PIK3CA: variants seen among roughly 807,000 people sequenced by gnomAD.
The protein encoded by PIK3CA is phosphatidylinositol-4,5-bisphosphate 3-kinase catalytic subunit alpha, also known as phosphatidylinositol 4,5-bisphosphate 3-kinase catalytic subunit alpha isoform.
PIK3CA carries 27 observed loss-of-function variants against 138.2 expected under a neutral mutation model. That is an observed-to-expected ratio of 0.20 (90% CI 0.14 to 0.27). The LOEUF (loss-of-function observed/expected upper bound fraction) is 0.27. PIK3CA is among the 10% of genes least tolerant of loss of function. The probability of loss-of-function intolerance (pLI) is 1.00; values close to 1 mark genes in which losing one functional copy is unlikely to be tolerated. For missense variants in PIK3CA, 544 were observed against 1,277.4 expected (o/e 0.43, Z 8.75); for synonymous variants, 358 against 413.2 (o/e 0.87, Z 1.62).
In PIK3CA at chr3:179,225,894, T is replaced by A. The variant is rs1428838938; in HGVS notation, c.2417-68T>A. 3.9e-6 allele frequency: 3 copies of A among 763,058 alleles called. No homozygotes were observed. In the African/African-American group the frequency reaches 5.1e-5, roughly 13 times the overall value. 47.3% of individuals were successfully genotyped at this position (763,058 alleles called of 1,614,324 possible). On this transcript the variant is annotated intron_variant, in intron 16 of 20. Coordinates refer to ENST00000263967, the MANE Select transcript of PIK3CA (RefSeq NM_006218.4). ...GTATTTGTTTTTCATTTGAAAACCA[T>A]GTGATGGCGTGATCCCCAAATTTGC...
chr3:179,186,861 GAT>G (rs1263905360), intron 1 of PIK3CA, among the ~76,000 whole-genome samples: 1 of 152,090 alleles, frequency 6.6e-6, no homozygotes, highest in Non-Finnish European at 1.5e-5. Flanking sequence ...TCTCTTCATT[GAT>G]CTCATTGGTT....
chr3:179,168,141 C>T (rs1723464614), intron 1 of PIK3CA, among the ~76,000 whole-genome samples: 1 of 152,156 alleles, frequency 6.6e-6, no homozygotes, highest in Non-Finnish European at 1.5e-5. Context: ...CATGTGGTCT[C>T]TTCCTCTTTC....
At position 179,153,234 on chromosome 3, in the gene PIK3CA, T is replaced by C. The variant is rs202100938; in HGVS notation, c.-77+4631T>C. ...TACAGATATCAGCAGACTGAAGTTATTGATACCTTTCTCTACTTGGGAACT... is the reference window on the plus strand; with the variant it reads ...TACAGATATCAGCAGACTGAAGTTACTGATACCTTTCTCTACTTGGGAACT... On this transcript the variant is annotated intron_variant, in intron 1 of 20. Transcript: ENST00000263967. Among the ~76,000 whole-genome samples the C allele has an allele frequency of 2.0e-5, 3 of 152,340 alleles. No homozygotes were observed. The East Asian group carries it at 5.8e-4, about 29-fold the overall frequency.
At chr3:179,189,190 C>T (rs1341206565) in intron 1 of PIK3CA, among the ~76,000 whole-genome samples, 2 of 151,430 alleles carry the variant, frequency 1.3e-5, no homozygotes, top group South Asian at 2.1e-4. Context: ...CTCCAGCCTG[C>T]GTGACACAGC....
In PIK3CA at chr3:179,229,987, G is replaced by T. The variant is rs1401613730; in HGVS notation, c.2667-17G>T. On this transcript the variant is annotated splice_polypyrimidine_tract_variant and intron_variant, in intron 18 of 20. Coordinates refer to ENST00000263967, the MANE Select transcript of PIK3CA (RefSeq NM_006218.4). The stretch of plus-strand genomic sequence containing the variant: ...ACTATATTTCCATACTACTCATGAG[G>T]TGTTTATTCTTTGTAGATATGATGC... 3.3e-6 allele frequency: 5 copies of T among 1,523,948 alleles called. No individual in the cohort carries two copies. The highest frequency in any genetic ancestry group is 4.5e-6 in the Non-Finnish European group (5 of 1,099,562). The allele number at this position is 1,523,948 out of a possible 1,614,324, so 94.4% of individuals were successfully genotyped here. A position where few individuals can be genotyped will look rare whatever the true frequency, so the allele number is the denominator to read the frequency against.
Position 179,201,358 on chromosome 3 carries a change from A to G in PIK3CA, c.631A>G (p.Ile211Val). ...NNDKQKYTLK[I>V]NHDCVPEQVI... The stretch of plus-strand genomic sequence containing the variant: ...TGACAAGCAGAAGTATACTCTGAAA[A>G]TCAACCATGACTGTGTACCAGAACA... The change falls in exon 4 of 21, where the codon ATC becomes GTC. Residue 211 changes from isoleucine to valine, a missense_variant. Coordinates refer to ENST00000263967, the MANE Select transcript of PIK3CA (RefSeq NM_006218.4). 1.9e-6 allele frequency: 3 copies of G among 1,613,638 alleles called. No homozygotes were observed. The highest frequency in any genetic ancestry group is 1.7e-6 in the Non-Finnish European group (2 of 1,179,682).
intron 17 of PIK3CA, 96 bp from the exon 18 acceptor site, chr3:179,229,175 CA>C (rs1725154368): frequency 2.1e-6 from 2 of 947,842 alleles, no homozygotes; most frequent in Non-Finnish European, 3.2e-6. Context: ...TCATGCATGA[CA>C]AATTTACTAA....
intron 1 of PIK3CA, among the ~76,000 whole-genome samples, chr3:179,188,271 C>T (rs1228833971): frequency 6.6e-6 from 1 of 152,204 alleles, no homozygotes; most frequent in Non-Finnish European, 1.5e-5. Context: ...GCTCAAGTCA[C>T]TAGTTAGGCT....
chr3:179,178,389 A>T (rs1373340580), intron 1 of PIK3CA, among the ~76,000 whole-genome samples: 1 of 152,154 alleles, frequency 6.6e-6, no homozygotes, highest in Non-Finnish European at 1.5e-5. Flanking sequence ...AGCACATGAA[A>T]AGATTTCCAC....
rs2108424493 is a variant in PIK3CA at position 179,230,127 on chromosome 3, G to A, written c.2784+6G>A. The stretch of plus-strand genomic sequence containing the variant: ...TGGTGAAAGACGATGGACAAGTAAT[G>A]GTTTTCTCTGTTTAAAATGTTTTGG... On this transcript the variant is annotated splice_donor_region_variant and intron_variant, in intron 19 of 20. Transcript: ENST00000263967. This position sits in a 1 kb window ranked among gnomAD's most constrained non-coding sequence, Gnocchi z 5.4. 1.9e-6 allele frequency: 3 copies of A among 1,596,672 alleles called. No individual in the cohort carries two copies. The South Asian group carries it at 3.3e-5, about 18-fold the overall frequency.
Position 179,235,411 on chromosome 3 carries a change from C to T in PIK3CA, c.*1047C>T, listed in dbSNP as rs541299980. ...ACCCCAAATTTTTTATTGTTCATAG[C>T]AGCATGGTCAGCTTTCTTCTTGATC... On this transcript the variant is annotated 3_prime_UTR_variant, in exon 21 of 21. Transcript: ENST00000263967. The T allele has an allele frequency of 1.1e-4, 21 of 186,278 alleles. No individual in the cohort carries two copies. The highest frequency in any genetic ancestry group is 2.2e-4 in the Non-Finnish European group (19 of 88,146). 11.5% of individuals were successfully genotyped at this position (186,278 alleles called of 1,614,324 possible). A position where few individuals can be genotyped will look rare whatever the true frequency, so the allele number is the denominator to read the frequency against.
rs1375307009 is a variant in PIK3CA at position 179,234,391 on chromosome 3, A to G, written c.*27A>G. On this transcript the variant is annotated 3_prime_UTR_variant, in exon 21 of 21. Coordinates refer to ENST00000263967, the MANE Select transcript of PIK3CA (RefSeq NM_006218.4). This position sits in a 1 kb window ranked among gnomAD's most constrained non-coding sequence, Gnocchi z 5.1. ...AAGATAACTGAGAAAATGAAAGCTC[A>G]CTCTGGATTCCACACTGCACTGTTA... The G allele has an allele frequency of 6.3e-7, 1 of 1,575,710 alleles. No individual in the cohort carries two copies. Among genetic ancestry groups the G allele is most frequent in the Admixed American group, 1.7e-5 (1 of 57,918 alleles).
Position 179,158,104 on chromosome 3 carries a change from A to G in PIK3CA, c.-77+9501A>G, listed in dbSNP as rs534698205. Reference sequence around the variant, plus strand: ...GAATTGAATTCTGTCCCTTCCAAGAATTTACCAGTGGATCCGATTTCTGGA... The same window carrying G: ...GAATTGAATTCTGTCCCTTCCAAGAGTTTACCAGTGGATCCGATTTCTGGA... On this transcript the variant is annotated intron_variant, in intron 1 of 20. Coordinates refer to ENST00000263967, the MANE Select transcript of PIK3CA (RefSeq NM_006218.4). Among the ~76,000 whole-genome samples the G allele has an allele frequency of 5.9e-5, 9 of 152,252 alleles. No homozygotes were observed. The South Asian group carries it at 1.9e-3, about 32-fold the overall frequency.
At chr3:179,189,719 T>C (rs1467081501) in intron 1 of PIK3CA, among the ~76,000 whole-genome samples, 1 of 152,214 alleles carries the variant, frequency 6.6e-6, no homozygotes, top group African/African-American at 2.4e-5. Context: ...GCACTGTAAA[T>C]ATGAATTTGA....
chr3:179,150,015 GTT>G (rs113847531), intron 1 of PIK3CA, among the ~76,000 whole-genome samples: 1 of 145,798 alleles, frequency 6.9e-6, no homozygotes, highest in Non-Finnish European at 1.5e-5. Context: ...AGTTTTTGGT[GTT>G]TTTTTTTTTT....
At chr3:179,181,780 AGG>A (rs1723852496) in intron 1 of PIK3CA, among the ~76,000 whole-genome samples, 1 of 152,218 alleles carries the variant, frequency 6.6e-6, no homozygotes, top group Non-Finnish European at 1.5e-5. Flanking sequence ...AGTATCAGCT[AGG>A]TGAAGTTCAA....
rs984242030 is a variant in PIK3CA at position 179,230,570 on chromosome 3, A to G, written c.2936+194A>G. ...AGGAATTGAAACCAGCCTGGGTAAC[A>G]TAGAGAGAATTCATGTCTACAAAAA... On this transcript the variant is annotated intron_variant, in intron 20 of 20. Coordinates refer to ENST00000263967, the MANE Select transcript of PIK3CA (RefSeq NM_006218.4). The surrounding 1 kb of genome is among the most constrained non-coding windows in gnomAD (Gnocchi z 5.4). Among the ~76,000 whole-genome samples the G allele has an allele frequency of 2.0e-5, 3 of 152,142 alleles. No individual in the cohort carries two copies. The highest frequency in any genetic ancestry group is 2.0e-4 in the Admixed American group (3 of 15,270).
At position 179,238,463 on chromosome 3, in the gene PIK3CA, T is replaced by A. The variant is rs1725373764; in HGVS notation, c.*4099T>A. 1 of 221,768 alleles carries A rather than the reference T, an allele frequency of 4.5e-6. No homozygotes were observed. Among genetic ancestry groups the A allele is most frequent in the African/African-American group, 2.2e-5 (1 of 44,636 alleles). 13.7% of individuals were successfully genotyped at this position (221,768 alleles called of 1,614,324 possible). On this transcript the variant is annotated 3_prime_UTR_variant, in exon 21 of 21. Transcript: ENST00000263967. ...AAAATATCTGTGGTCCTGATAAAAT[T>A]GGATTGGTAACTCTACCTCAGAAGG... is the stretch of plus-strand genomic sequence containing the variant.
intron 1 of PIK3CA, among the ~76,000 whole-genome samples, chr3:179,159,035 A>G (rs1470262618): frequency 6.6e-6 from 1 of 152,098 alleles, no homozygotes; most frequent in African/African-American, 2.4e-5. Flanking sequence ...ATATACCAGG[A>G]TAATAGTAAA....
Sources: allele counts gnomAD v4.1 joint callset (sites outside exome capture counted in the v4.1 genomes callset), GRCh38; gene constraint gnomAD v4.1.1; non-coding constraint Gnocchi (gnomAD v3.1); transcripts MANE v1.5; gene names NCBI Gene and HGNC (gene_info 2026-07-23, HGNC 2026-07-21).